FAM83E: variants seen among roughly 807,000 people sequenced by gnomAD.
FAM83E encodes protein FAM83E.
FAM83E carries 29 observed loss-of-function variants against 34.3 expected under a neutral mutation model. That is an observed-to-expected ratio of 0.85 (90% CI 0.63 to 1.15). FAM83E has a LOEUF of 1.15. FAM83E is among the 50% of genes most tolerant of loss of function. FAM83E has a pLI of 0.00. For synonymous variants in FAM83E, 312 were observed against 311.6 expected (o/e 1.00, Z -0.01); for missense variants, 697 against 685.0 (o/e 1.02, Z -0.20).
intron 5 of FAM83E, among the ~76,000 whole-genome samples, chr19:48,609,038 T>C (rs2617805): frequency 0.17 from 26,526 of 151,794 alleles, 2,467 homozygotes; most frequent in East Asian, 0.32. Context: ...GCCACCCCTG[T>C]TGAGGGACCT....
In FAM83E at chr19:48,603,485, A is replaced by G. The variant is rs756828433; in HGVS notation, c.1176+9T>C. The G allele has an allele frequency of 1.3e-6, 2 of 1,551,632 alleles. No homozygotes were observed. On this transcript the variant is annotated intron_variant, in intron 6 of 6. Coordinates refer to ENST00000263266, the MANE Select transcript of FAM83E (RefSeq NM_017708.4). The stretch of plus-strand genomic sequence containing the variant: ...GCTCCATCTTCTGGCACCAGCCACA[A>G]GGTCTCACCTCGTTGTCCCCATCAC...
chr19:48,601,634 G>A (rs114922668), intron 6 of FAM83E, among the ~76,000 whole-genome samples: 2,816 of 152,126 alleles, frequency 0.019, 81 homozygotes, highest in African/African-American at 0.064. Context: ...AGGTGGTGGT[G>A]GGCGCCTGTA....
chr19:48,609,836 A>G, intron 5 of FAM83E, 40 bp downstream of exon 5: 7 of 1,596,238 alleles, frequency 4.4e-6, no homozygotes, highest in Non-Finnish European at 6.0e-6. Context: ...AAAGTGGGGT[A>G]TAGGACGCCG....
intron 4 of FAM83E, 29 bp from the exon 5 acceptor site, chr19:48,610,029 C>T: frequency 1.2e-6 from 2 of 1,604,042 alleles, no homozygotes; most frequent in Non-Finnish European, 1.7e-6. Flanking sequence ...GAGGGTACAC[C>T]CTTGCTGAGG....
intron 5 of FAM83E, among the ~76,000 whole-genome samples, chr19:48,608,063 T>G (rs1241721164): frequency 6.6e-6 from 1 of 152,244 alleles, no homozygotes; most frequent in Non-Finnish European, 1.5e-5. Context: ...TCTCAGGTCC[T>G]GTTCCAGGCA....
chr19:48,610,347 C>T lies in FAM83E; in HGVS notation c.633+333G>A, dbSNP rs977497718. ...CCGGGAGGTGGAGGTTGCAGTGAGC[C>T]GAGATCACGCCACTGCACTCCAGCC... On this transcript the variant is annotated intron_variant, in intron 4 of 6. Coordinates refer to ENST00000263266, the MANE Select transcript of FAM83E (RefSeq NM_017708.4). Among the ~76,000 whole-genome samples the T allele has an allele frequency of 6.0e-5, 8 of 134,228 alleles. No individual in the cohort carries two copies. In the South Asian group the frequency reaches 1.6e-3, roughly 27 times the overall value. 88.1% of individuals were successfully genotyped at this position (134,228 alleles called of 152,430 possible).
At position 48,603,856 on chromosome 19, in the gene FAM83E, C is replaced by G. The variant is rs1568418563; in HGVS notation, c.814G>C (p.Glu272Gln). ...HRGLVTLLTGEIVDAFSLEFR... is the reference protein window; with the variant it reads ...HRGLVTLLTGQIVDAFSLEFR... ...TCAAGGCTGAAGGCGTCAACAATTT[C>G]ACCAGTCAGCAGGGTCACCAGGCCT... Residue 272 changes from glutamate (E) to glutamine (Q), a missense_variant, in exon 6 of 7, where the codon GAA becomes CAA. Transcript: ENST00000263266. 3 of 1,609,038 alleles carry G rather than the reference C, an allele frequency of 1.9e-6. No homozygotes were observed. The highest frequency in any genetic ancestry group is 2.5e-6 in the Non-Finnish European group (3 of 1,177,736).
chr19:48,609,519 T>G (rs1260870199), intron 5 of FAM83E, among the ~76,000 whole-genome samples: 1 of 152,054 alleles, frequency 6.6e-6, no homozygotes, highest in African/African-American at 2.4e-5. Context: ...TGAGCCACCA[T>G]GTCCGGGCAT....
rs1974093105 is a variant in FAM83E, at chr19:48,613,675, C to T, written c.-303G>A. On this transcript the variant is annotated 5_prime_UTR_variant, in exon 3 of 7. Transcript: ENST00000263266. The stretch of plus-strand genomic sequence containing the variant: ...GGCCTTCCGTGACCTTCCTGCCAGC[C>T]GTCTCTGCTGGTCAGGTTGACCTCC... The T allele has an allele frequency of 1.6e-6, 2 of 1,259,740 alleles. No homozygotes were observed. The highest frequency in any genetic ancestry group is 1.0e-6 in the Non-Finnish European group (1 of 996,998). The allele number at this position is 1,259,740 out of a possible 1,614,324, so 78.0% of individuals were successfully genotyped here.
At chr19:48,606,137 C>A (rs1472324902) in intron 5 of FAM83E, among the ~76,000 whole-genome samples, 1 of 151,910 alleles carries the variant, frequency 6.6e-6, no homozygotes, top group Non-Finnish European at 1.5e-5. Context: ...ATGGTGAAAC[C>A]CTGTCTCTAC....
rs781707903 is a variant in FAM83E at position 48,601,228 on chromosome 19, G to A, written c.1318C>T (p.Arg440Cys). 32 of 1,608,306 alleles carry A rather than the reference G, an allele frequency of 2.0e-5. No homozygotes were observed. Among genetic ancestry groups the A allele is most frequent in the African/African-American group, 4.0e-5 (3 of 74,814 alleles). Residue 440 changes from arginine (R) to cysteine (C), a missense_variant, in exon 7 of 7, where the codon CGC (arginine) becomes TGC (cysteine). Transcript: ENST00000263266. ...ALPLPPAHRL[R>C]YLSPARRRFG... ...CGCCTTCGGGCTGGGGACAGATAGC[G>A]GAGGCGGTGGGCGGGGGGCAGGGGC...
In FAM83E at chr19:48,614,732, A is replaced by G. The variant is rs978228002; in HGVS notation, c.-1280T>C. The G allele has an allele frequency of 6.0e-5, 59 of 982,754 alleles. No homozygotes were observed. Among genetic ancestry groups the G allele is most frequent in the Non-Finnish European group, 6.8e-5 (56 of 829,370 alleles). The allele number at this position is 982,754 out of a possible 1,614,324, so 60.9% of individuals were successfully genotyped here. On this transcript the variant is annotated 5_prime_UTR_variant, in exon 2 of 7. Transcript: ENST00000263266. ...CCCACACCGGCTAGTGCCGGGCTCA[A>G]TGGCCTCCCTTCCAGTGCCTGCTTT...
Position 48,614,695 on chromosome 19 carries a change from C to T in FAM83E, c.-1256+13G>A, listed in dbSNP as rs958290317. ...CCCCACCCTCACCCATCCCCCCCAT[C>T]GCCGGGGCTCACCCACACCGGCTAG... On this transcript the variant is annotated intron_variant, in intron 2 of 6. Coordinates refer to ENST00000263266, the MANE Select transcript of FAM83E (RefSeq NM_017708.4). The T allele has an allele frequency of 2.3e-6, 2 of 871,846 alleles. No homozygotes were observed. Among genetic ancestry groups the T allele is most frequent in the Non-Finnish European group, 2.7e-6 (2 of 730,510 alleles). 54.0% of individuals were successfully genotyped at this position (871,846 alleles called of 1,614,324 possible). A position where few individuals can be genotyped will look rare whatever the true frequency, so the allele number is the denominator to read the frequency against.
chr19:48,601,264 C>T lies in FAM83E; in HGVS notation c.1282G>A (p.Gly428Ser), dbSNP rs750550356. 1 of 1,597,070 alleles carries T rather than the reference C, an allele frequency of 6.3e-7. No individual in the cohort carries two copies. The highest frequency in any genetic ancestry group is 8.5e-7 in the Non-Finnish European group (1 of 1,171,630). ...WGEVDSRPPW[G>S]GALPLPPAHR... ...GCGGGGGGCAGGGGCAGGGCACCGC[C>T]CCACGGAGGTCGGGAGTCCACTTCC... The change falls in exon 7 of 7, where the codon GGC (glycine) becomes AGC (serine). Residue 428 changes from glycine to serine, a missense_variant. By Grantham distance (56) the Gly-to-Ser change is moderately conservative (BLOSUM62 0). Coordinates refer to ENST00000263266, the MANE Select transcript of FAM83E (RefSeq NM_017708.4).
intron 3 of FAM83E, among the ~76,000 whole-genome samples, chr19:48,611,651 A>G (rs1205575541): frequency 1.3e-5 from 2 of 152,160 alleles, no homozygotes; most frequent in African/African-American, 4.8e-5. Context: ...TATTTTTAGT[A>G]GAGACGGGAT....
In FAM83E at chr19:48,603,618, C is replaced by G; in HGVS notation, c.1052G>C (p.Ser351Thr). 6.9e-7 allele frequency: 1 copy of G among 1,451,154 alleles called. No homozygotes were observed. The highest frequency in any genetic ancestry group is 9.1e-7 in the Non-Finnish European group (1 of 1,104,898). 89.9% of individuals were successfully genotyped at this position (1,451,154 alleles called of 1,614,324 possible). The change falls in exon 6 of 7, where the codon AGT becomes ACT. Residue 351 changes from serine (S) to threonine (T), a missense_variant. By Grantham distance (58) the Ser-to-Thr change is moderately conservative. Coordinates refer to ENST00000263266, the MANE Select transcript of FAM83E (RefSeq NM_017708.4). ...GCGCTGCACACTCCTTAGAATGTCA[C>G]TGAGTGCCGGCCCCGGGGTAGCAGG... ...VSPATPGPAL[S>T]DILRSVQRAR... is the part of the protein sequence containing the mutation.
At chr19:48,607,138 G>GC in intron 5 of FAM83E, 2 of 1,612,720 alleles carry the variant, frequency 1.2e-6, no homozygotes, top group Non-Finnish European at 1.7e-6. Context: ...CCACGGGGTC[G>GC]CCCCGGGCAC....
In FAM83E at chr19:48,613,058, C is replaced by T. The variant is rs35056023; in HGVS notation, c.315G>A (p.Ser105=). ...GCCGCAGGACGGGCGCCGGCTGCTC[C>T]GACTGCCCAGGCCAGTAGCTCAGGC... ...AGSLSYWPGQ[S]EQPAPVLRLG... is the part of the protein sequence containing the mutation. The change falls in exon 3 of 7, where the codon TCG becomes TCA. Residue 105 remains serine, a synonymous_variant. Transcript: ENST00000263266. 11,216 of 1,604,720 alleles carry T rather than the reference C, an allele frequency of 7.0e-3. 54 individuals are homozygous for T. The highest frequency in any genetic ancestry group is 8.7e-3 in the Non-Finnish European group (10,206 of 1,176,874).
chr19:48,609,265 C>CTTTCT (rs1973993569), intron 5 of FAM83E, among the ~76,000 whole-genome samples: 1 of 99,692 alleles, frequency 1.0e-5, no homozygotes, highest in South Asian at 3.8e-4. Context: ...TTCTTTCTTT[C>CTTTCT]TTTTTTTTTT....
Sources: gnomAD v4.1 joint callset for allele counts (sites outside exome capture counted in the v4.1 genomes callset) on GRCh38, gnomAD v4.1.1 for gene constraint, MANE v1.5 for transcripts, NCBI Gene and HGNC (gene_info 2026-07-23, HGNC 2026-07-21) for gene names.